COL6A6: variants seen among roughly 807,000 people sequenced by gnomAD.
The protein encoded by COL6A6 is collagen type VI alpha 6 chain.
Under a neutral mutation model 208.6 loss-of-function variants are expected in COL6A6, and 183 were observed. The ratio of observed to expected loss-of-function variants is 0.88; its 90% CI spans 0.78 to 0.99. The LOEUF (loss-of-function observed/expected upper bound fraction) is 0.99, where lower values mean the gene tolerates loss of function less well. COL6A6 is among the 50% of genes least tolerant of loss of function. COL6A6 has a pLI of 0.00. For missense variants in COL6A6, 2,816 were observed against 2,815.2 expected (o/e 1.00, Z -0.01); for synonymous variants, 973 against 1,011.8 (o/e 0.96, Z 0.73).
chr3:130,573,041 C>A (rs1004370555), intron 7 of COL6A6, among the ~76,000 whole-genome samples: 2 of 152,164 alleles, frequency 1.3e-5, no homozygotes. Flanking sequence ...TGCTTGTTCA[C>A]AAATATTTTT....
chr3:130,645,102 A>G (rs1338658254), intron 32 of COL6A6, 100 bp downstream of exon 32: 11 of 1,139,520 alleles, frequency 9.7e-6, no homozygotes, highest in East Asian at 2.4e-5. Flanking sequence ...AAATGACACA[A>G]ATTTTATCTG....
intron 28 of COL6A6, among the ~76,000 whole-genome samples, chr3:130,641,363 CA>C (rs1462117989): frequency 2.6e-5 from 4 of 151,954 alleles, no homozygotes; most frequent in African/African-American, 9.7e-5. Context: ...TAAAAGGTAA[CA>C]GAGAAAAGTA....
chr3:130,540,395 A>C (rs1577644091), intron 1 of COL6A6, among the ~76,000 whole-genome samples: 1 of 152,368 alleles, frequency 6.6e-6, no homozygotes, highest in East Asian at 1.9e-4. Flanking sequence ...CATGTGGTCC[A>C]TTCTATGTGT....
intron 2 of COL6A6, among the ~76,000 whole-genome samples, chr3:130,562,629 A>C (rs1326007583): frequency 6.6e-6 from 1 of 152,226 alleles, no homozygotes; most frequent in African/African-American, 2.4e-5. Flanking sequence ...ATTAAAGTGA[A>C]TTTGATGGAG....
Position 130,589,195 on chromosome 3 carries a change from C to T in COL6A6, c.4218+13C>T, listed in dbSNP as rs1013427344. 1.9e-6 allele frequency: 3 copies of T among 1,590,008 alleles called. No individual in the cohort carries two copies. The highest frequency in any genetic ancestry group is 1.7e-4 in the Middle Eastern group (1 of 6,010). On this transcript the variant is annotated intron_variant, in intron 12 of 36. Coordinates refer to ENST00000358511, the MANE Select transcript of COL6A6 (RefSeq NM_001102608.3). ...ACCAGGGAAAAGGGTGATTTTAGCT[C>T]AGATTTATGGGTTACTTTGAGTTGT...
chr3:130,592,681 T>C lies in COL6A6; in HGVS notation c.4345-15T>C. 2 of 1,613,106 alleles carry C rather than the reference T, an allele frequency of 1.2e-6. No individual in the cohort carries two copies. Among genetic ancestry groups the C allele is most frequent in the South Asian group, 2.2e-5 (2 of 90,918 alleles). ...CATTTTCCTACACTAACTATAACTG[T>C]CCTTTTATTTTCAGGGAAACAGAGG... On this transcript the variant is annotated splice_polypyrimidine_tract_variant and intron_variant, in intron 14 of 36. Transcript: ENST00000358511.
chr3:130,605,291 G>A (rs574789071), intron 20 of COL6A6, among the ~76,000 whole-genome samples: 2 of 151,800 alleles, frequency 1.3e-5, no homozygotes, highest in Admixed American at 6.6e-5. Context: ...TATGGCATTT[G>A]CAATACTTTG....
At position 130,676,212 on chromosome 3, in the gene COL6A6, C is replaced by T. The variant is rs556688268; in HGVS notation, c.*815C>T. On this transcript the variant is annotated 3_prime_UTR_variant, in exon 37 of 37. Transcript: ENST00000358511. ...TTGTCATAGATGAAGCTCTGAGTTA[C>T]TTTTACCCATCAGGTAGCTGTTTAG... is the stretch of plus-strand genomic sequence containing the variant. 1 of 152,288 alleles carries T rather than the reference C, an allele frequency of 6.6e-6. No individual in the cohort carries two copies. The highest frequency in any genetic ancestry group is 2.1e-4 in the South Asian group (1 of 4,826). 9.4% of individuals were successfully genotyped at this position (152,288 alleles called of 1,614,324 possible).
intron 5 of COL6A6, 26 bp downstream of exon 5, chr3:130,567,288 C>A (rs1473897685): frequency 6.5e-7 from 1 of 1,530,544 alleles, no homozygotes; most frequent in Non-Finnish European, 8.9e-7. Flanking sequence ...GCTTTACCTA[C>A]TGACCTTCAC....
At position 130,662,187 on chromosome 3, in the gene COL6A6, G is replaced by A. The variant is rs1319885639; in HGVS notation, c.6381G>A (p.Lys2127=). The part of the protein sequence containing the change: ...VFSLGPIWDD[K]ELEDLASHPL... ...CCCTTGGCCCTATTTGGGATGACAAGGAACTGGAGGATCTCGCCAGCCACC... is the reference window on the plus strand; with the variant it reads ...CCCTTGGCCCTATTTGGGATGACAAAGAACTGGAGGATCTCGCCAGCCACC... The change falls in exon 35 of 37, where the codon AAG becomes AAA. Residue 2127 remains lysine, a synonymous_variant. Coordinates refer to ENST00000358511, the MANE Select transcript of COL6A6 (RefSeq NM_001102608.3). The A allele has an allele frequency of 1.9e-6, 3 of 1,613,888 alleles. No individual in the cohort carries two copies. The highest frequency in any genetic ancestry group is 1.7e-6 in the Non-Finnish European group (2 of 1,179,882).
At chr3:130,526,116 C>T (rs1050408187) in intron 1 of COL6A6, among the ~76,000 whole-genome samples, 1 of 151,906 alleles carries the variant, frequency 6.6e-6, no homozygotes, top group African/African-American at 2.4e-5. Flanking sequence ...TTCCATGCTA[C>T]CTTAATTAAG....
intron 7 of COL6A6, 24 bp from the exon 8 acceptor site, chr3:130,573,932 T>C (rs756131896): frequency 6.7e-7 from 1 of 1,503,042 alleles, no homozygotes; most frequent in Admixed American, 1.7e-5. Context: ...CTGGGTTTTC[T>C]GTTGTTCCTT....
At chr3:130,592,518 T>G (rs2063742870) in intron 13 of COL6A6, 23 bp from the exon 14 acceptor site, 3 of 1,555,738 alleles carry the variant, frequency 1.9e-6, no homozygotes, top group Non-Finnish European at 2.6e-6. Context: ...AAAAAGCTCA[T>G]TTGGATATGT....
Position 130,641,671 on chromosome 3 carries a change from G to C in COL6A6, c.5111G>C (p.Gly1704Ala). The C allele has an allele frequency of 6.3e-7, 1 of 1,597,852 alleles. No homozygotes were observed. The highest frequency in any genetic ancestry group is 8.6e-7 in the Non-Finnish European group (1 of 1,167,238). ...RGKMISAGLP[G>A]EMGSPGEPGP... ...TTTGAGATATCTGCTGGGCTTCCAGGAGAGATGGGATCCCCTGGGGAACCA... is the reference window on the plus strand; with the variant it reads ...TTTGAGATATCTGCTGGGCTTCCAGCAGAGATGGGATCCCCTGGGGAACCA... The change falls in exon 29 of 37, where the codon GGA (glycine) becomes GCA (alanine). Residue 1704 changes from glycine to alanine, a missense_variant. Coordinates refer to ENST00000358511, the MANE Select transcript of COL6A6 (RefSeq NM_001102608.3).
chr3:130,580,497 C>CA (rs2063394116), intron 8 of COL6A6, among the ~76,000 whole-genome samples: 1 of 152,184 alleles, frequency 6.6e-6, no homozygotes, highest in African/African-American at 2.4e-5. Flanking sequence ...TAAGCATTTG[C>CA]AAATGTCCAA....
At chr3:130,656,433 G>T (rs1017789468) in intron 33 of COL6A6, among the ~76,000 whole-genome samples, 1 of 152,184 alleles carries the variant, frequency 6.6e-6, no homozygotes, top group Non-Finnish European at 1.5e-5. Context: ...AGGCCCTGGG[G>T]TGGGTAGCTC....
rs993545660 is a variant in COL6A6 at position 130,649,338 on chromosome 3, T to C, written c.5509T>C (p.Ser1837Pro). The C allele has an allele frequency of 7.5e-6, 12 of 1,610,118 alleles. No individual in the cohort carries two copies. The African/African-American group carries it at 1.5e-4, about 20-fold the overall frequency. Residue 1837 changes from serine (S) to proline (P), a missense_variant, in exon 33 of 37, where the codon TCT becomes CCT. By Grantham distance (74) the Ser-to-Pro change is moderately conservative. Coordinates refer to ENST00000358511, the MANE Select transcript of COL6A6 (RefSeq NM_001102608.3). ...EIETIPYERS[S>P]ASREIGRAMR... ...TGAAACTATTCCTTATGAGAGATCC[T>C]CTGCCAGCAGGGAGATTGGCAGAGC... is the stretch of plus-strand genomic sequence containing the variant.
At position 130,642,833 on chromosome 3, in the gene COL6A6, G is replaced by C. The variant is rs773976787; in HGVS notation, c.5156G>C (p.Gly1719Ala). 1 of 1,613,738 alleles carries C rather than the reference G, an allele frequency of 6.2e-7. No homozygotes were observed. The highest frequency in any genetic ancestry group is 8.5e-7 in the Non-Finnish European group (1 of 1,179,724). ...PGEPGPPGRKGVKGAKGLASF... is the reference protein window; with the variant it reads ...PGEPGPPGRKAVKGAKGLASF... ...ACAATGTTTTGTTTGTTTTCCTAGG[G>C]TGTGAAAGGAGCCAAAGGCTTGGCT... Residue 1719 changes from glycine (G) to alanine (A), a missense_variant and splice_region_variant, in exon 30 of 37, where the codon GGT (glycine) becomes GCT (alanine). Gly to Ala is a moderately conservative substitution (Grantham distance 60). Transcript: ENST00000358511.
At chr3:130,578,891 G>A (rs1401292309) in intron 8 of COL6A6, among the ~76,000 whole-genome samples, 2 of 152,188 alleles carry the variant, frequency 1.3e-5, no homozygotes, top group Non-Finnish European at 2.9e-5. Flanking sequence ...TCACTTCCAC[G>A]GTTAGCAGAC....
Sources: allele counts gnomAD v4.1 joint callset (sites outside exome capture counted in the v4.1 genomes callset), GRCh38; gene constraint gnomAD v4.1.1; transcripts MANE v1.5; gene names NCBI Gene and HGNC (gene_info 2026-07-23, HGNC 2026-07-21).